The following PTPRD variants were observed in gnomAD, a reference collection of about 807,000 sequenced individuals.
PTPRD encodes the protein receptor-type tyrosine-protein phosphatase delta.
Under a neutral mutation model 214.5 loss-of-function variants are expected in PTPRD, and 34 were observed. That is an observed-to-expected ratio of 0.16 (90% CI 0.12 to 0.21). PTPRD has a LOEUF of 0.21. Among genes scored for constraint, PTPRD ranks in the 10% least tolerant of loss-of-function variants. The pLI is 1.00. For synonymous variants in PTPRD, 1,128 were observed against 845.7 expected (o/e 1.33, Z -5.79); for missense variants, 2,545 against 2,398.7 (o/e 1.06, Z -1.27).
chr9:9,091,827 A>G (rs2099776520), intron 10 of PTPRD, among the ~76,000 whole-genome samples: 1 of 152,242 alleles, frequency 6.6e-6, no homozygotes, highest in South Asian at 2.1e-4. Context: ...CTCAGGTTTC[A>G]TCTAGGTACT....
chr9:9,621,745 G>C (rs750079783), intron 7 of PTPRD, among the ~76,000 whole-genome samples: 8 of 152,014 alleles, frequency 5.3e-5, no homozygotes, highest in Non-Finnish European at 1.2e-4. Flanking sequence ...AGCACGCCTG[G>C]GCTGGGGTGA....
chr9:8,381,865 G>C lies in PTPRD; in HGVS notation c.4387-5139C>G, dbSNP rs2085199156. 2.6e-5 allele frequency among the ~76,000 whole-genome samples: 4 copies of C among 152,190 alleles called. No individual in the cohort carries two copies. In the South Asian group the frequency reaches 8.3e-4, roughly 31 times the overall value. ...CCCCCATTAAACTGAAAGTCATTAA[G>C]TCTCAAGTTTCTGGCACTTTGTCCT... is the stretch of plus-strand genomic sequence containing the variant. On this transcript the variant is annotated intron_variant, in intron 37 of 45. Transcript: ENST00000381196.
chr9:8,376,759 T>A (rs780920124), intron 37 of PTPRD, 33 bp from the exon 38 acceptor site: 1 of 1,609,750 alleles, frequency 6.2e-7, no homozygotes, highest in Non-Finnish European at 8.5e-7. Context: ...TCAGGGCAAA[T>A]GCTCATCAAT....
intron 11 of PTPRD, among the ~76,000 whole-genome samples, chr9:8,755,506 G>A (rs1439464970): frequency 2.7e-5 from 4 of 146,742 alleles, no homozygotes; most frequent in African/African-American, 5.2e-5. Context: ...TCCAGCCTGG[G>A]CAACAAGAGT....
chr9:9,035,640 A>G (rs2099619331), intron 10 of PTPRD, among the ~76,000 whole-genome samples: 3 of 151,774 alleles, frequency 2.0e-5, no homozygotes, highest in Admixed American at 2.0e-4. Flanking sequence ...TAAAGTTAAG[A>G]TAGACTTTAT....
chr9:10,155,904 G>T (rs1830608), intron 3 of PTPRD, among the ~76,000 whole-genome samples: 50,578 of 151,704 alleles, frequency 0.33, 8,644 homozygotes, highest in Admixed American at 0.43. Flanking sequence ...GCCTTAAGTT[G>T]TCTTTTTGTG....
At chr9:10,011,354 C>T (rs981128029) in intron 4 of PTPRD, among the ~76,000 whole-genome samples, 5 of 151,940 alleles carry the variant, frequency 3.3e-5, no homozygotes, top group East Asian at 1.9e-4. Context: ...TAAGTCACTA[C>T]ATATCTAAAG....
intron 5 of PTPRD, among the ~76,000 whole-genome samples, chr9:9,770,157 A>C (rs981581903): frequency 3.3e-5 from 5 of 152,194 alleles, no homozygotes; most frequent in African/African-American, 1.2e-4. Flanking sequence ...TGGTACTTCT[A>C]GTTCTAGATC....
intron 9 of PTPRD, among the ~76,000 whole-genome samples, chr9:9,233,450 C>G (rs1319386316): frequency 1.1e-4 from 16 of 152,116 alleles, no homozygotes; most frequent in African/African-American, 3.6e-4. Context: ...TCATTCTGCC[C>G]CGGGCCACTC....
rs572804081 is a variant in PTPRD, at chr9:8,945,500, C to G, written c.-104+73197G>C. Among the ~76,000 whole-genome samples, 7 of 152,122 alleles carry G rather than the reference C, an allele frequency of 4.6e-5. No homozygotes were observed. In the East Asian group the frequency reaches 9.7e-4, roughly 21 times the overall value. On this transcript the variant is annotated intron_variant, in intron 11 of 45. Transcript: ENST00000381196. ...CACCTGGCTATCTACTGCAATTCAT[C>G]TTGCTCGCTAGAATCCTCCTAAAGC...
At chr9:9,513,229 C>T (rs188531477) in intron 8 of PTPRD, among the ~76,000 whole-genome samples, 3 of 152,050 alleles carry the variant, frequency 2.0e-5, no homozygotes, top group East Asian at 3.9e-4. Context: ...AACTATAAAA[C>T]AAAGTGATGA....
At chr9:8,381,397 T>A (rs900195559) in intron 37 of PTPRD, among the ~76,000 whole-genome samples, 2 of 152,208 alleles carry the variant, frequency 1.3e-5, no homozygotes, top group Non-Finnish European at 2.9e-5. Context: ...TAAGACCAGA[T>A]TGAATACTTG....
chr9:8,985,827 ATACTGGTT>A (rs1360713545), intron 11 of PTPRD, among the ~76,000 whole-genome samples: 7 of 152,056 alleles, frequency 4.6e-5, no homozygotes, highest in African/African-American at 1.4e-4. Context: ...TTTAAATAAA[ATACTGGTT>A]AGAAGATTAT....
At chr9:8,682,379 C>A (rs1029298135) in intron 12 of PTPRD, among the ~76,000 whole-genome samples, 1 of 152,124 alleles carries the variant, frequency 6.6e-6, no homozygotes, top group Non-Finnish European at 1.5e-5. Flanking sequence ...ATAATTAACA[C>A]CTTTCAAAGA....
At chr9:9,530,595 T>G (rs935659109) in intron 8 of PTPRD, among the ~76,000 whole-genome samples, 1 of 152,134 alleles carries the variant, frequency 6.6e-6, no homozygotes, top group African/African-American at 2.4e-5. Flanking sequence ...GCAGCACTAT[T>G]CACAATAGCA....
chr9:10,463,506 T>G (rs550099810), intron 2 of PTPRD, among the ~76,000 whole-genome samples: 1 of 152,284 alleles, frequency 6.6e-6, no homozygotes, highest in South Asian at 2.1e-4. Flanking sequence ...ACAAAAAGAT[T>G]TGAAAGAATT....
At chr9:10,325,938 TG>T (rs1452419881) in intron 3 of PTPRD, among the ~76,000 whole-genome samples, 3 of 151,878 alleles carry the variant, frequency 2.0e-5, no homozygotes, top group African/African-American at 4.8e-5. Flanking sequence ...AATTTTTTTA[TG>T]TAACAAACAG....
At chr9:8,648,829 C>T (rs556386148) in intron 12 of PTPRD, among the ~76,000 whole-genome samples, 1 of 152,278 alleles carries the variant, frequency 6.6e-6, no homozygotes, top group South Asian at 2.1e-4. Flanking sequence ...GAACCTCTAC[C>T]AATGCTTTAG....
At chr9:10,190,800 A>T (rs2099360707) in intron 3 of PTPRD, among the ~76,000 whole-genome samples, 1 of 151,844 alleles carries the variant, frequency 6.6e-6, no homozygotes, top group South Asian at 2.1e-4. Flanking sequence ...GCAGTTGTAC[A>T]ACGTGAGGTT....
Sources: allele counts gnomAD v4.1 joint callset (sites outside exome capture counted in the v4.1 genomes callset), GRCh38; gene constraint gnomAD v4.1.1; transcripts MANE v1.5; gene names NCBI Gene and HGNC (gene_info 2026-07-23, HGNC 2026-07-21).